Variants in IL1RAPL2 observed in about 807,000 individuals in gnomAD.
IL1RAPL2 encodes interleukin 1 receptor accessory protein like 2, also known as X-linked interleukin-1 receptor accessory protein-like 2.
A neutral mutation model predicts 44.1 loss-of-function variants in IL1RAPL2; 3 were observed. That is an observed-to-expected ratio of 0.07 (90% CI 0.03 to 0.18). The LOEUF is 0.18. Among genes scored for constraint, IL1RAPL2 ranks in the 10% least tolerant of loss-of-function variants. The pLI, the probability that IL1RAPL2 is intolerant of heterozygous loss-of-function variation, is 1.00. For missense variants in IL1RAPL2, 391 were observed against 496.4 expected (o/e 0.79, Z 2.02); for synonymous variants, 181 against 178.8 (o/e 1.01, Z -0.10).
At chrX:104,620,249 T>C (rs948599783) in intron 1 of IL1RAPL2, among the ~76,000 whole-genome samples, 1 of 110,380 alleles carries the variant, frequency 9.1e-6, no homozygotes, top group Non-Finnish European at 1.9e-5. Context: ...AGGTAACAGG[T>C]GCACCAAAAT....
At chrX:104,799,045 C>T (rs1185336753) in intron 2 of IL1RAPL2, among the ~76,000 whole-genome samples, 4 of 110,134 alleles carry the variant, frequency 3.6e-5, no homozygotes, top group South Asian at 3.9e-4. Context: ...TTATTTAATC[C>T]TCATGGCAAC....
In IL1RAPL2 at chrX:104,936,368, A is replaced by G. The variant is rs778886976; in HGVS notation, c.83-259107A>G. Among the ~76,000 whole-genome samples, 225 of 111,732 alleles carry G rather than the reference A, an allele frequency of 2.0e-3. 2 individuals are homozygous for G. The highest frequency in any genetic ancestry group is 6.9e-3 in the African/African-American group (212 of 30,735). Reference sequence around the variant, plus strand: ...CATATAGGAAGGCAAGTACGTTTTCATGAAACAAACATAGGAGTGTACTGG... The same window carrying G: ...CATATAGGAAGGCAAGTACGTTTTCGTGAAACAAACATAGGAGTGTACTGG... On this transcript the variant is annotated intron_variant, in intron 2 of 10. Coordinates refer to ENST00000372582, the MANE Select transcript of IL1RAPL2 (RefSeq NM_017416.2).
intron 6 of IL1RAPL2, among the ~76,000 whole-genome samples, chrX:105,549,715 T>C (rs775759413): frequency 4.5e-5 from 5 of 111,401 alleles, no homozygotes; most frequent in Admixed American, 2.9e-4. Context: ...CTACCTTTCA[T>C]AGGTATAAAC....
At chrX:105,161,484 A>T (rs990343859) in intron 2 of IL1RAPL2, among the ~76,000 whole-genome samples, 4 of 109,750 alleles carry the variant, frequency 3.6e-5, no homozygotes, top group Admixed American at 3.0e-4. Context: ...AGCAAGCAGA[A>T]TGACAAATTA....
chrX:105,693,844 A>G (rs2038056028), intron 6 of IL1RAPL2, among the ~76,000 whole-genome samples: 1 of 111,504 alleles, frequency 9.0e-6, no homozygotes, highest in Admixed American at 9.5e-5. Flanking sequence ...AAGCTGGGCC[A>G]TGAACCAAGG....
At chrX:105,412,469 C>T (rs1268034574) in intron 5 of IL1RAPL2, among the ~76,000 whole-genome samples, 3 of 109,574 alleles carry the variant, frequency 2.7e-5, no homozygotes, top group Admixed American at 2.0e-4. Context: ...TACCATCTCA[C>T]TCATATGTGG....
chrX:105,327,032 T>C (rs2034944485), intron 5 of IL1RAPL2, among the ~76,000 whole-genome samples: 1 of 111,620 alleles, frequency 9.0e-6, no homozygotes, highest in Non-Finnish European at 1.9e-5. Context: ...GAAAGGGAAG[T>C]TGGGTAGAAT....
chrX:105,423,650 G>A (rs1407449591), intron 5 of IL1RAPL2, among the ~76,000 whole-genome samples: 1 of 111,317 alleles, frequency 9.0e-6, no homozygotes, highest in Non-Finnish European at 1.9e-5. Context: ...ATTAAGACAA[G>A]TTAGTTGTTA....
intron 5 of IL1RAPL2, among the ~76,000 whole-genome samples, chrX:105,354,694 T>C (rs2147707072): frequency 9.0e-6 from 1 of 111,528 alleles, no homozygotes. Context: ...ATGATCATTT[T>C]CCATTCCTTA....
At chrX:104,713,948 G>T (rs1031433869) in intron 2 of IL1RAPL2, among the ~76,000 whole-genome samples, 4 of 111,202 alleles carry the variant, frequency 3.6e-5, no homozygotes, top group Admixed American at 2.9e-4. Flanking sequence ...AAGGAGAGGA[G>T]AATTTTTGAT....
chrX:104,905,868 G>A (rs1923981229), intron 2 of IL1RAPL2, among the ~76,000 whole-genome samples: 1 of 110,472 alleles, frequency 9.1e-6, no homozygotes, highest in South Asian at 3.9e-4. Context: ...GATGGGGATG[G>A]CATTGAATCT....
Position 104,761,923 on chromosome X carries a change from CCTT to C in IL1RAPL2, c.82+102987_82+102989del, listed in dbSNP as rs759437149. Among the ~76,000 whole-genome samples, 280 of 30,783 alleles carry C rather than the reference CCTT, an allele frequency of 9.1e-3. 13 individuals carry two copies. The highest frequency in any genetic ancestry group is 0.015 in the East Asian group (17 of 1,114). 26.7% of individuals were successfully genotyped at this position (30,783 alleles called of 115,157 possible). On this transcript the variant is annotated intron_variant, in intron 2 of 10. Transcript: ENST00000372582. ...TCCTTCTCCTTCTCCTTCTCCTTCTCCTTCTTCTTCTTCTTCTTCTTCTTCTTC... is the reference window on the plus strand; with the variant it reads ...TCCTTCTCCTTCTCCTTCTCCTTCTCCTTCTTCTTCTTCTTCTTCTTCTTC...
chrX:104,635,710 T>C (rs1268283462), intron 1 of IL1RAPL2, among the ~76,000 whole-genome samples: 1 of 111,964 alleles, frequency 8.9e-6, no homozygotes, highest in African/African-American at 3.2e-5. Flanking sequence ...CTTTAAGGAC[T>C]TCTCTGCATT....
chrX:104,682,243 T>A (rs1266518319), intron 2 of IL1RAPL2, among the ~76,000 whole-genome samples: 1 of 111,472 alleles, frequency 9.0e-6, no homozygotes, highest in Admixed American at 9.6e-5. Context: ...TAATAGAGGG[T>A]TTCTTTGGCT....
At position 105,124,424 on chromosome X, in the gene IL1RAPL2, A is replaced by T. The variant is rs185279336; in HGVS notation, c.83-71051A>T. Among the ~76,000 whole-genome samples the T allele has an allele frequency of 6.2e-3, 687 of 110,836 alleles. 8 individuals are homozygous for T. Among genetic ancestry groups the T allele is most frequent in the African/African-American group, 0.021 (656 of 30,631 alleles). On this transcript the variant is annotated intron_variant, in intron 2 of 10. Transcript: ENST00000372582. ...CAGAGTACAAAGTCATGGCGTCAAG[A>T]TTATATGATTTACAAACATATTTAA...
intron 2 of IL1RAPL2, among the ~76,000 whole-genome samples, chrX:104,934,837 A>C (rs1602833113): frequency 8.9e-6 from 1 of 112,026 alleles, no homozygotes; most frequent in African/African-American, 3.2e-5. Flanking sequence ...TGGCATACAA[A>C]TATAGATAGC....
At chrX:105,429,004 G>T in intron 5 of IL1RAPL2, among the ~76,000 whole-genome samples, 1 of 111,340 alleles carries the variant, frequency 9.0e-6, no homozygotes, top group Non-Finnish European at 1.9e-5. Context: ...ATAATATCCG[G>T]AAATATCTTG....
intron 2 of IL1RAPL2, among the ~76,000 whole-genome samples, chrX:104,871,318 G>A (rs1922755579): frequency 9.0e-6 from 1 of 111,443 alleles, no homozygotes; most frequent in Non-Finnish European, 1.9e-5. Flanking sequence ...AAAGAAACCT[G>A]CAGAAAGCCT....
intron 2 of IL1RAPL2, among the ~76,000 whole-genome samples, chrX:104,716,664 T>A (rs1450853029): frequency 9.1e-6 from 1 of 110,450 alleles, no homozygotes; most frequent in African/African-American, 3.3e-5. Flanking sequence ...AACAAGCATA[T>A]GAAAAAAAGC....
Sources: gnomAD v4.1 joint callset for allele counts (sites outside exome capture counted in the v4.1 genomes callset) on GRCh38, gnomAD v4.1.1 for gene constraint, MANE v1.5 for transcripts, NCBI Gene and HGNC (gene_info 2026-07-23, HGNC 2026-07-21) for gene names.